The following MYRIP variants were observed in gnomAD, a reference collection of about 807,000 sequenced individuals.
MYRIP encodes rab effector MyRIP.
A neutral mutation model predicts 98.0 loss-of-function variants in MYRIP; 49 were observed. That is an observed-to-expected ratio of 0.50 (90% CI 0.40 to 0.63). The LOEUF is 0.63. Among genes scored for constraint, MYRIP ranks in the 30% least tolerant of loss-of-function variants. MYRIP has a pLI of 0.00. For missense variants in MYRIP, 1,004 were observed against 1,058.2 expected (o/e 0.95, Z 0.71); for synonymous variants, 404 against 409.5 (o/e 0.99, Z 0.16).
At position 40,182,232 on chromosome 3, in the gene MYRIP, G is replaced by T. The variant is rs1443528612; in HGVS notation, c.886G>T (p.Ala296Ser). 1 of 1,610,330 alleles carries T rather than the reference G, an allele frequency of 6.2e-7. No individual in the cohort carries two copies. Among genetic ancestry groups the T allele is most frequent in the Non-Finnish European group, 8.5e-7 (1 of 1,178,360 alleles). ...TTCCTTTCCACAGAGGTCCCAGTCTGCCTTCTCAATCACTGGAGAAGAAGC... is the reference window on the plus strand; with the variant it reads ...TTCCTTTCCACAGAGGTCCCAGTCTTCCTTCTCAATCACTGGAGAAGAAGC... The part of the protein sequence containing the change: ...APAALWRSQS[A>S]FSITGEEALK... The change falls in exon 9 of 17, where the codon GCC (alanine) becomes TCC (serine). Residue 296 changes from alanine to serine, a missense_variant. Ala to Ser is a moderately conservative substitution (Grantham distance 99). Coordinates refer to ENST00000302541, the MANE Select transcript of MYRIP (RefSeq NM_015460.4).
In MYRIP at chr3:40,244,434, C is replaced by T; in HGVS notation, c.2101-12C>T. 6.2e-7 allele frequency: 1 copy of T among 1,601,740 alleles called. No individual in the cohort carries two copies. Among genetic ancestry groups the T allele is most frequent in the Non-Finnish European group, 8.5e-7 (1 of 1,173,596 alleles). The stretch of plus-strand genomic sequence containing the variant: ...TGCAGACATGAACTCAAATGTAGCA[C>T]TGTCTCTACAGGTATACCTGGCAGC... On this transcript the variant is annotated splice_polypyrimidine_tract_variant and intron_variant, in intron 12 of 16. Coordinates refer to ENST00000302541, the MANE Select transcript of MYRIP (RefSeq NM_015460.4).
chr3:39,887,375 C>T (rs1472418844), intron 1 of MYRIP, among the ~76,000 whole-genome samples: 10 of 152,014 alleles, frequency 6.6e-5, no homozygotes, highest in Non-Finnish European at 1.5e-4. Flanking sequence ...CACAAAAAAC[C>T]ATTCAAAAAA....
At chr3:40,086,459 C>G (rs1236769294) in intron 3 of MYRIP, among the ~76,000 whole-genome samples, 1 of 152,180 alleles carries the variant, frequency 6.6e-6, no homozygotes, top group Admixed American at 6.5e-5. Flanking sequence ...GGGCAGGCTC[C>G]TCCAACACAG....
chr3:40,070,511 G>C (rs1948201659), intron 3 of MYRIP, among the ~76,000 whole-genome samples: 1 of 152,184 alleles, frequency 6.6e-6, no homozygotes, highest in South Asian at 2.1e-4. Context: ...TCATAGCCTA[G>C]TGCTTTTGAT....
At chr3:40,071,088 G>A (rs1182784306) in intron 3 of MYRIP, 1 of 960,110 alleles carries the variant, frequency 1.0e-6, no homozygotes, top group Non-Finnish European at 1.2e-6. Context: ...ATCTGTGGTA[G>A]GGAAGAAAGC....
chr3:39,868,769 AC>A (rs1259755807), intron 1 of MYRIP, among the ~76,000 whole-genome samples: 1 of 152,042 alleles, frequency 6.6e-6, no homozygotes, highest in Admixed American at 6.6e-5. Context: ...CACACCCCAA[AC>A]ACCTCCTTTA....
At chr3:40,160,969 C>T (rs1269928164) in intron 4 of MYRIP, among the ~76,000 whole-genome samples, 10 of 152,206 alleles carry the variant, frequency 6.6e-5, no homozygotes, top group South Asian at 2.1e-4. Context: ...TCTTCTGCGT[C>T]GCTCACGCTG....
intron 10 of MYRIP, among the ~76,000 whole-genome samples, chr3:40,196,256 T>C (rs2125639180): frequency 6.6e-6 from 1 of 152,150 alleles, no homozygotes. Flanking sequence ...TTTCTACTTT[T>C]ATATTTATTA....
At chr3:39,810,703 A>G (rs963932658) in intron 1 of MYRIP, 4 of 152,074 alleles carry the variant, frequency 2.6e-5, no homozygotes, top group Admixed American at 2.6e-4. Context: ...TAATTTACTG[A>G]CGTCTTGGCA....
At chr3:40,099,964 T>C (rs1303885043) in intron 3 of MYRIP, 1 of 982,144 alleles carries the variant, frequency 1.0e-6, no homozygotes, top group African/African-American at 1.7e-5. Context: ...GCATTGGTTG[T>C]CTGAGATTTC....
intron 2 of MYRIP, among the ~76,000 whole-genome samples, chr3:39,927,087 A>G (rs1405840630): frequency 1.3e-5 from 2 of 151,866 alleles, no homozygotes; most frequent in African/African-American, 2.4e-5. Flanking sequence ...GTGTGTGTCT[A>G]TTGTAAATGG....
At chr3:40,046,653 T>C (rs540082078) in intron 3 of MYRIP, among the ~76,000 whole-genome samples, 8 of 149,668 alleles carry the variant, frequency 5.3e-5, no homozygotes, top group Non-Finnish European at 7.4e-5. Flanking sequence ...TCACCCAAGG[T>C]GTGTGGAGGG....
intron 8 of MYRIP, among the ~76,000 whole-genome samples, chr3:40,180,185 GT>G (rs796805383): frequency 9.2e-5 from 14 of 152,246 alleles, no homozygotes; most frequent in African/African-American, 3.4e-4. Context: ...TCTCCTCCAA[GT>G]AAAACCTTGC....
chr3:39,982,957 A>T (rs1002894923), intron 2 of MYRIP, among the ~76,000 whole-genome samples: 5 of 152,230 alleles, frequency 3.3e-5, no homozygotes, highest in African/African-American at 1.2e-4. Context: ...TTGACCTATC[A>T]TAGAAAGAAA....
At chr3:40,179,448 T>C (rs1158118628) in intron 8 of MYRIP, among the ~76,000 whole-genome samples, 2 of 152,112 alleles carry the variant, frequency 1.3e-5, no homozygotes, top group Admixed American at 1.3e-4. Flanking sequence ...AGAATTTCCG[T>C]CCCATAAAAA....
At chr3:39,811,705 G>C (rs1012035964) in intron 1 of MYRIP, among the ~76,000 whole-genome samples, 8 of 151,778 alleles carry the variant, frequency 5.3e-5, no homozygotes, top group Admixed American at 4.6e-4. Context: ...GTCAAAGTGT[G>C]TCTCTGTAGA....
At chr3:40,233,771 G>A in intron 11 of MYRIP, 88 bp from the exon 12 acceptor site, 3 of 1,218,166 alleles carry the variant, frequency 2.5e-6, no homozygotes, top group Non-Finnish European at 3.5e-6. Flanking sequence ...ACCTCATGAT[G>A]ATGAGTGTCA....
At chr3:40,086,475 G>T (rs1277910809) in intron 3 of MYRIP, among the ~76,000 whole-genome samples, 1 of 152,198 alleles carries the variant, frequency 6.6e-6, no homozygotes, top group African/African-American at 2.4e-5. Context: ...CACAGGAGGG[G>T]CCGTAACTCA....
chr3:39,830,909 C>G lies in MYRIP; in HGVS notation c.-31+20993C>G, dbSNP rs115533024. ...TTCTCCCATTCTCTCTTAAACCCATCCCTGCAGATTGCCAGCCCAGTTTCA... is the reference window on the plus strand; with the variant it reads ...TTCTCCCATTCTCTCTTAAACCCATGCCTGCAGATTGCCAGCCCAGTTTCA... On this transcript the variant is annotated intron_variant, in intron 1 of 16. Transcript: ENST00000302541. Among the ~76,000 whole-genome samples the G allele has an allele frequency of 6.0e-3, 914 of 152,298 alleles. 8 individuals carry two copies. The highest frequency in any genetic ancestry group is 0.021 in the African/African-American group (867 of 41,574).
Sources: gnomAD v4.1 joint callset for allele counts (sites outside exome capture counted in the v4.1 genomes callset) on GRCh38, gnomAD v4.1.1 for gene constraint, MANE v1.5 for transcripts, NCBI Gene and HGNC (gene_info 2026-07-23, HGNC 2026-07-21) for gene names.